Variants in MACROD2 observed in about 807,000 individuals in gnomAD.
MACROD2 encodes ADP-ribose glycohydrolase MACROD2.
In MACROD2, 36 loss-of-function variants were observed where a neutral mutation model predicts 70.4. The ratio of observed to expected loss-of-function variants is 0.51; its 90% CI spans 0.39 to 0.68. MACROD2 has a LOEUF of 0.68. Ranked by LOEUF, MACROD2 falls within the 30% of genes least tolerant of loss-of-function variation. The pLI, the probability that MACROD2 is intolerant of heterozygous loss-of-function variation, is 0.00. For synonymous variants in MACROD2, 172 were observed against 178.8 expected, an observed-to-expected ratio of 0.96 and a Z score of 0.30; for missense variants, 496 against 538.4, an observed-to-expected ratio of 0.92 and a Z score of 0.78.
In MACROD2 at chr20:15,610,172, G is replaced by A. The variant is rs115848146; in HGVS notation, c.645+110325G>A. On this transcript the variant is annotated intron_variant, in intron 8 of 17. Coordinates refer to ENST00000684519, the MANE Select transcript of MACROD2 (RefSeq NM_001351661.2). ...GGTAGATTGAACTTCCGTTTGCTGG[G>A]CAACCTCAGTATGTTACCCATCTAC... Among the ~76,000 whole-genome samples the A allele has an allele frequency of 3.1e-3, 470 of 152,278 alleles. 2 individuals carry two copies. The highest frequency in any genetic ancestry group is 0.011 in the African/African-American group (458 of 41,556).
chr20:14,965,462 T>TC (rs2074625890), intron 5 of MACROD2, among the ~76,000 whole-genome samples: 1 of 128,756 alleles, frequency 7.8e-6, no homozygotes, highest in Non-Finnish European at 1.7e-5. Context: ...TCTTTTTTTT[T>TC]TTTTTTTTTT....
chr20:14,885,844 C>T (rs1232176890), intron 5 of MACROD2, among the ~76,000 whole-genome samples: 1 of 152,204 alleles, frequency 6.6e-6, no homozygotes, highest in African/African-American at 2.4e-5. Context: ...CAATTGCTCA[C>T]TTCCTCTGGG....
intron 5 of MACROD2, among the ~76,000 whole-genome samples, chr20:14,873,536 G>A (rs1211797896): frequency 6.6e-6 from 1 of 152,088 alleles, no homozygotes; most frequent in African/African-American, 2.4e-5. Flanking sequence ...TCTCATTAAT[G>A]CATAAACATG....
chr20:14,737,650 C>T (rs186565985), intron 5 of MACROD2, among the ~76,000 whole-genome samples: 206 of 152,296 alleles, frequency 1.4e-3, no homozygotes, highest in Non-Finnish European at 2.0e-3. Flanking sequence ...ACCATTCTAA[C>T]TGGCTTGAGA....
chr20:14,483,248 A>G (rs1027868991), intron 3 of MACROD2, among the ~76,000 whole-genome samples: 4 of 152,162 alleles, frequency 2.6e-5, no homozygotes, highest in Admixed American at 1.3e-4. Flanking sequence ...GGTTGGTTTT[A>G]GATGAATGGA....
intron 8 of MACROD2, among the ~76,000 whole-genome samples, chr20:15,582,449 T>C (rs948027545): frequency 2.6e-5 from 4 of 152,098 alleles, no homozygotes; most frequent in African/African-American, 9.7e-5. Flanking sequence ...ACCTCACAAC[T>C]AGAAAAAAAC....
intron 3 of MACROD2, among the ~76,000 whole-genome samples, chr20:14,485,909 T>G (rs1447676324): frequency 6.6e-6 from 1 of 152,112 alleles, no homozygotes; most frequent in East Asian, 1.9e-4. Context: ...TATTGATCAT[T>G]CTTCAAATGG....
chr20:15,105,303 C>T (rs1463733161), intron 5 of MACROD2, among the ~76,000 whole-genome samples: 2 of 152,190 alleles, frequency 1.3e-5, no homozygotes, highest in African/African-American at 2.4e-5. Flanking sequence ...TATGATCTCT[C>T]AGGTTCAACT....
At chr20:14,926,786 T>G (rs1273136435) in intron 5 of MACROD2, among the ~76,000 whole-genome samples, 1 of 152,142 alleles carries the variant, frequency 6.6e-6, no homozygotes, top group Non-Finnish European at 1.5e-5. Context: ...TGCTATATCT[T>G]GTGTTTGCCA....
rs149739332 is a variant in MACROD2, at chr20:13,995,802, G to T, written c.39G>T (p.Glu13Asp). The part of the protein sequence containing the change: ...PSNKKKKVWR[E>D]EKERLLKMTL... ...ACAAGAAGAAAAAGGTGTGGAGAGA[G>T]GAGAAAGGTAACCGGCCCGTCGAGT... Residue 13 changes from glutamate (E) to aspartate (D), a missense_variant, in exon 1 of 18, where the codon GAG becomes GAT. Glu to Asp is a conservative substitution (Grantham distance 45). Coordinates refer to ENST00000684519, the MANE Select transcript of MACROD2 (RefSeq NM_001351661.2). This position sits in a 1 kb window ranked among gnomAD's most constrained non-coding sequence, Gnocchi z 4.3. 3.7e-4 allele frequency: 591 copies of T among 1,602,078 alleles called. 3 individuals carry two copies. The highest frequency in any genetic ancestry group is 2.0e-3 in the Middle Eastern group (12 of 5,980).
chr20:16,026,305 C>A lies in MACROD2; in HGVS notation c.1154-14896C>A, dbSNP rs188582048. Reference sequence around the variant, plus strand: ...AGGAGGGGAGAGCCTCAGTACACCACCATTTTACTGTATTCACTGCCACAG... The same window carrying A: ...AGGAGGGGAGAGCCTCAGTACACCAACATTTTACTGTATTCACTGCCACAG... On this transcript the variant is annotated intron_variant, in intron 15 of 17. Coordinates refer to ENST00000684519, the MANE Select transcript of MACROD2 (RefSeq NM_001351661.2). Among the ~76,000 whole-genome samples, 539 of 152,296 alleles carry A rather than the reference C, an allele frequency of 3.5e-3. 4 individuals carry two copies. The highest frequency in any genetic ancestry group is 6.5e-3 in the Non-Finnish European group (444 of 68,010).
intron 5 of MACROD2, among the ~76,000 whole-genome samples, chr20:15,184,019 G>A (rs1244717712): frequency 6.6e-6 from 1 of 152,162 alleles, no homozygotes; most frequent in African/African-American, 2.4e-5. Context: ...AAGAACCCAG[G>A]CCTTATTTAA....
intron 4 of MACROD2, among the ~76,000 whole-genome samples, chr20:14,551,973 TC>T (rs1978684106): frequency 6.6e-6 from 1 of 152,082 alleles, no homozygotes; most frequent in Non-Finnish European, 1.5e-5. Context: ...TAAATTGTTT[TC>T]AAGATAGCAG....
At chr20:14,330,498 A>G (rs1010953324) in intron 3 of MACROD2, among the ~76,000 whole-genome samples, 3 of 152,110 alleles carry the variant, frequency 2.0e-5, no homozygotes, top group African/African-American at 7.2e-5. Flanking sequence ...CTGAACGAGT[A>G]TGTTAAATAA....
chr20:14,684,093 G>C (rs2070968842), intron 4 of MACROD2, among the ~76,000 whole-genome samples: 1 of 152,170 alleles, frequency 6.6e-6, no homozygotes, highest in Admixed American at 6.5e-5. Flanking sequence ...GAGACCTGAG[G>C]CTGGTCACGG....
intron 8 of MACROD2, among the ~76,000 whole-genome samples, chr20:15,791,450 A>AG (rs1359629351): frequency 6.6e-6 from 1 of 151,982 alleles, no homozygotes; most frequent in Non-Finnish European, 1.5e-5. Flanking sequence ...AATTTTAAAA[A>AG]AAAAAGGATG....
intron 15 of MACROD2, among the ~76,000 whole-genome samples, chr20:16,018,093 A>T (rs2066953113): frequency 6.6e-6 from 1 of 152,200 alleles, no homozygotes; most frequent in African/African-American, 2.4e-5. Context: ...TTCACTTGAG[A>T]GATGGGGAAT....
At chr20:15,843,886 T>C (rs571802523) in intron 8 of MACROD2, among the ~76,000 whole-genome samples, 12 of 152,240 alleles carry the variant, frequency 7.9e-5, no homozygotes, top group African/African-American at 2.9e-4. Context: ...CCTTTGTAAG[T>C]TGGACATCAG....
chr20:15,668,848 G>A (rs1474411752), intron 8 of MACROD2, among the ~76,000 whole-genome samples: 1 of 152,196 alleles, frequency 6.6e-6, no homozygotes, highest in Non-Finnish European at 1.5e-5. Context: ...TTAGCAAAAT[G>A]GTGATTCTCT....
Sources: gnomAD v4.1 joint callset for allele counts (sites outside exome capture counted in the v4.1 genomes callset) on GRCh38, gnomAD v4.1.1 for gene constraint, Gnocchi (gnomAD v3.1) non-coding constraint, MANE v1.5 for transcripts, NCBI Gene and HGNC (gene_info 2026-07-23, HGNC 2026-07-21) for gene names.